Variants in SLC24A5 observed in about 807,000 individuals in gnomAD.
The protein encoded by SLC24A5 is sodium/potassium/calcium exchanger 5.
In SLC24A5, 46 loss-of-function variants were observed where a neutral mutation model predicts 51.6. That is an observed-to-expected ratio of 0.89 (90% confidence interval 0.70 to 1.14). The LOEUF is 1.14. Ranked by LOEUF, SLC24A5 falls within the 50% of genes most tolerant of loss-of-function variation. The pLI is 0.00. For synonymous variants in SLC24A5, 230 were observed against 214.9 expected (o/e 1.07, Z -0.62); for missense variants, 581 against 604.1 (o/e 0.96, Z 0.40).
At position 48,139,031 on chromosome 15, in the gene SLC24A5, C is replaced by T; in HGVS notation, c.934C>T (p.Leu312Phe). ...DLKRIFWVLSLPIITLLFLTT... is the reference protein window; with the variant it reads ...DLKRIFWVLSFPIITLLFLTT... ...AAAAAGAATTTTTTGGGTATTATCC[C>T]TTCCTATTATTACATTACTTTTTCT... Residue 312 changes from leucine to phenylalanine, a missense_variant, in exon 7 of 9, where the codon CTT becomes TTT. By Grantham distance (22) the Leu-to-Phe change is conservative (BLOSUM62 0). Coordinates refer to ENST00000341459, the MANE Select transcript of SLC24A5 (RefSeq NM_205850.3). 1 of 1,613,034 alleles carries T rather than the reference C, an allele frequency of 6.2e-7. No homozygotes were observed. Among genetic ancestry groups the T allele is most frequent in the South Asian group, 1.1e-5 (1 of 91,024 alleles).
intron 2 of SLC24A5, among the ~76,000 whole-genome samples, chr15:48,133,650 T>C (rs776803275): frequency 1.3e-5 from 2 of 152,104 alleles, no homozygotes; most frequent in South Asian, 2.1e-4. Context: ...AAACTGCAAA[T>C]TTTTTTAGAA....
At position 48,136,666 on chromosome 15, in the gene SLC24A5, A is replaced by G; in HGVS notation, c.591-17A>G. The stretch of plus-strand genomic sequence containing the variant: ...ACTTTCACTTTTAATTTAAAAACAC[A>G]AATTTCTCTTTTGTAGGTATGAAGG... On this transcript the variant is annotated splice_polypyrimidine_tract_variant and intron_variant, in intron 5 of 8. Transcript: ENST00000341459. 6.3e-7 allele frequency: 1 copy of G among 1,575,176 alleles called. No homozygotes were observed. The highest frequency in any genetic ancestry group is 8.6e-7 in the Non-Finnish European group (1 of 1,161,900).
At chr15:48,132,173 C>A (rs974296675) in intron 2 of SLC24A5, among the ~76,000 whole-genome samples, 3 of 152,130 alleles carry the variant, frequency 2.0e-5, no homozygotes, top group Admixed American at 2.0e-4. Context: ...ACAGACTAGC[C>A]TCTACCTCAA....
chr15:48,125,293 A>T (rs990540120), intron 2 of SLC24A5, among the ~76,000 whole-genome samples: 1 of 148,916 alleles, frequency 6.7e-6, no homozygotes, highest in African/African-American at 2.4e-5. Flanking sequence ...ATATGATTTT[A>T]TATATATATA....
At chr15:48,138,925 A>T in intron 6 of SLC24A5, 44 bp from the exon 7 acceptor site, 2 of 1,397,786 alleles carry the variant, frequency 1.4e-6, no homozygotes, top group Non-Finnish European at 2.0e-6. Flanking sequence ...TAACTTAATT[A>T]GCCATTTGAG....
intron 2 of SLC24A5, among the ~76,000 whole-genome samples, chr15:48,132,789 T>C (rs1298027193): frequency 6.6e-6 from 1 of 152,218 alleles, no homozygotes; most frequent in Middle Eastern, 3.4e-3. Flanking sequence ...TATGGGCTTT[T>C]CATGAGGTTT....
At chr15:48,135,022 T>G in intron 5 of SLC24A5, 38 bp downstream of exon 5, 1 of 1,502,928 alleles carries the variant, frequency 6.7e-7, no homozygotes, top group Non-Finnish European at 9.2e-7. Context: ...AAATTAGAGA[T>G]TTTATGAATT....
intron 2 of SLC24A5, among the ~76,000 whole-genome samples, chr15:48,125,925 A>G (rs954753123): frequency 1.3e-5 from 2 of 152,074 alleles, no homozygotes; most frequent in African/African-American, 4.8e-5. Flanking sequence ...TCAAATCACC[A>G]CAGTGGCTCA....
intron 2 of SLC24A5, chr15:48,124,668 T>C (rs939705474): frequency 5.3e-5 from 8 of 152,222 alleles, no homozygotes; most frequent in African/African-American, 1.9e-4. Context: ...ATTTAGATTA[T>C]GACTTCAAAA....
intron 2 of SLC24A5, among the ~76,000 whole-genome samples, chr15:48,133,314 A>G (rs2038816144): frequency 6.6e-6 from 1 of 152,180 alleles, no homozygotes. Flanking sequence ...GCTAGTTTTT[A>G]GTTTATCAGT....
chr15:48,123,546 T>C (rs1436224687), intron 2 of SLC24A5: 2 of 152,196 alleles, frequency 1.3e-5, no homozygotes, highest in Non-Finnish European at 2.9e-5. Flanking sequence ...TATAAATGAT[T>C]TGAGCGTCTG....
In SLC24A5 at chr15:48,142,365, G is replaced by A. The variant is rs771221649; in HGVS notation, c.*14G>A. On this transcript the variant is annotated 3_prime_UTR_variant, in exon 9 of 9. Transcript: ENST00000341459. ...TGTGGAGGTTGATATTATTAATAGT[G>A]TTATGCAGAAAATATGAATGGCAGG... 36 of 1,495,476 alleles carry A rather than the reference G, an allele frequency of 2.4e-5. No homozygotes were observed. Among genetic ancestry groups the A allele is most frequent in the Non-Finnish European group, 2.3e-5 (26 of 1,107,054 alleles). 92.6% of individuals were successfully genotyped at this position (1,495,476 alleles called of 1,614,324 possible). A position where few individuals can be genotyped will look rare whatever the true frequency, so the allele number is the denominator to read the frequency against.
intron 5 of SLC24A5, chr15:48,136,371 G>T (rs949623695): frequency 4.6e-6 from 1 of 217,300 alleles, no homozygotes; most frequent in Admixed American, 5.8e-5. Flanking sequence ...CATTTATTTT[G>T]AAAATCTCCA....
intron 2 of SLC24A5, among the ~76,000 whole-genome samples, chr15:48,131,996 G>C (rs1326659224): frequency 6.6e-6 from 1 of 152,114 alleles, no homozygotes; most frequent in African/African-American, 2.4e-5. Context: ...CAGTATGTAG[G>C]TGACAGATTT....
At chr15:48,141,519 G>A (rs987457229) in intron 8 of SLC24A5, 2 of 199,440 alleles carry the variant, frequency 1.0e-5, no homozygotes, top group South Asian at 9.9e-5. Flanking sequence ...GGAGGTTGCA[G>A]TGAGCCGAGA....
chr15:48,122,297 T>G (rs2038687918), intron 2 of SLC24A5: 1 of 584,968 alleles, frequency 1.7e-6, no homozygotes, highest in African/African-American at 1.9e-5. Flanking sequence ...GTTTGTCTAC[T>G]GCCTGGATGT....
At chr15:48,126,771 T>C (rs2038736570) in intron 2 of SLC24A5, among the ~76,000 whole-genome samples, 1 of 152,236 alleles carries the variant, frequency 6.6e-6, no homozygotes, top group South Asian at 2.1e-4. Context: ...AGGGAGCCTT[T>C]GTCGTCTCTG....
At chr15:48,127,055 A>G (rs1235152013) in intron 2 of SLC24A5, among the ~76,000 whole-genome samples, 3 of 152,202 alleles carry the variant, frequency 2.0e-5, no homozygotes, top group Admixed American at 2.0e-4. Flanking sequence ...GGAGCCAGAT[A>G]GCCCAGGTTC....
At chr15:48,123,204 T>C (rs1377152112) in intron 2 of SLC24A5, 2 of 151,664 alleles carry the variant, frequency 1.3e-5, no homozygotes, top group Non-Finnish European at 1.5e-5. Flanking sequence ...TTTATTACAA[T>C]TTTTCTTAAG....
Sources: allele counts gnomAD v4.1 joint callset (sites outside exome capture counted in the v4.1 genomes callset), GRCh38; gene constraint gnomAD v4.1.1; transcripts MANE v1.5; gene names NCBI Gene and HGNC (gene_info 2026-07-23, HGNC 2026-07-21).